Variants in SLC16A10 observed in about 807,000 individuals in gnomAD.
SLC16A10 encodes solute carrier family 16 member 10, also known as monocarboxylate transporter 10.
In SLC16A10, 27 loss-of-function variants were observed where a neutral mutation model predicts 40.0. The ratio of observed to expected loss-of-function variants is 0.67; its 90% CI spans 0.50 to 0.93. The LOEUF (loss-of-function observed/expected upper bound fraction) is 0.93. SLC16A10 is among the 40% of genes least tolerant of loss of function. The pLI is 0.00. For synonymous variants in SLC16A10, 213 were observed against 249.8 expected (o/e 0.85, Z 1.39); for missense variants, 529 against 658.2 (o/e 0.80, Z 2.15).
chr6:111,115,239 A>G (rs76691130), intron 1 of SLC16A10, among the ~76,000 whole-genome samples: 12,367 of 149,496 alleles, frequency 0.083, 1,558 homozygotes, highest in African/African-American at 0.28. Context: ...TTTTTTTTAG[A>G]TGAAGTCTCC....
At chr6:111,131,205 G>C (rs1771775915) in intron 1 of SLC16A10, among the ~76,000 whole-genome samples, 1 of 152,210 alleles carries the variant, frequency 6.6e-6, no homozygotes, top group African/African-American at 2.4e-5. Flanking sequence ...GATCCGGCAG[G>C]GTGTCCACTG....
chr6:111,214,602 A>G (rs1773393140), intron 4 of SLC16A10, among the ~76,000 whole-genome samples: 1 of 152,228 alleles, frequency 6.6e-6, no homozygotes, highest in Non-Finnish European at 1.5e-5. Flanking sequence ...GGGAAAGAGC[A>G]TCACTACAGT....
intron 4 of SLC16A10, among the ~76,000 whole-genome samples, chr6:111,215,861 G>A (rs979894423): frequency 3.3e-5 from 5 of 151,982 alleles, no homozygotes; most frequent in Admixed American, 1.3e-4. Flanking sequence ...AAAATTAGCC[G>A]GGCATAGTGG....
intron 1 of SLC16A10, among the ~76,000 whole-genome samples, chr6:111,115,017 A>C (rs988984939): frequency 1.3e-5 from 2 of 151,930 alleles, no homozygotes; most frequent in Non-Finnish European, 2.9e-5. Flanking sequence ...GCCTGTATGT[A>C]GTGGATTCTA....
intron 3 of SLC16A10, among the ~76,000 whole-genome samples, chr6:111,191,704 T>C (rs535949125): frequency 2.9e-3 from 446 of 152,372 alleles, no homozygotes; most frequent in African/African-American, 1.0e-2. Context: ...ATTTTAATGA[T>C]TGCCATTCTA....
intron 1 of SLC16A10, among the ~76,000 whole-genome samples, chr6:111,151,731 A>G (rs747544522): frequency 2.6e-4 from 39 of 152,214 alleles, no homozygotes; most frequent in Admixed American, 7.2e-4. Context: ...CTACATCCTT[A>G]GAGAATCACT....
At position 111,229,758 on chromosome 6, in the gene SLC16A10, T is replaced by C. The variant is rs1175940307; in HGVS notation, c.*7523T>C. On this transcript the variant is annotated 3_prime_UTR_variant, in exon 6 of 6. Coordinates refer to ENST00000368851, the MANE Select transcript of SLC16A10 (RefSeq NM_018593.5). The stretch of plus-strand genomic sequence containing the variant: ...CAGCAAATCTCAGGTCTATGATTTA[T>C]CAAGGGCTCTCAGCACCATCGTTGG... The C allele has an allele frequency of 6.6e-6, 1 of 152,176 alleles. No homozygotes were observed. Among genetic ancestry groups the C allele is most frequent in the Non-Finnish European group, 1.5e-5 (1 of 68,044 alleles). 9.4% of individuals were successfully genotyped at this position (152,176 alleles called of 1,614,324 possible).
At chr6:111,197,078 C>T (rs1222649431) in intron 3 of SLC16A10, among the ~76,000 whole-genome samples, 2 of 152,188 alleles carry the variant, frequency 1.3e-5, no homozygotes, top group Non-Finnish European at 2.9e-5. Context: ...GCCTACTCAA[C>T]AAATTTTAAT....
At chr6:111,175,563 A>G (rs751200204) in intron 2 of SLC16A10, among the ~76,000 whole-genome samples, 6 of 152,232 alleles carry the variant, frequency 3.9e-5, no homozygotes, top group African/African-American at 7.2e-5. Context: ...GTAAGTTACA[A>G]TTATCTGGAA....
intron 1 of SLC16A10, among the ~76,000 whole-genome samples, chr6:111,163,209 G>C (rs1404112086): frequency 5.0e-5 from 7 of 138,822 alleles, no homozygotes; most frequent in Non-Finnish European, 1.1e-4. Context: ...CTGGAGTGCA[G>C]TGGCGGGATC....
At chr6:111,195,023 A>G (rs1773056838) in intron 3 of SLC16A10, among the ~76,000 whole-genome samples, 1 of 152,022 alleles carries the variant, frequency 6.6e-6, no homozygotes, top group South Asian at 2.1e-4. Context: ...TGTGTACCCA[A>G]AGCAGTGTCA....
intron 3 of SLC16A10, among the ~76,000 whole-genome samples, chr6:111,196,863 G>A (rs354538): frequency 0.82 from 124,324 of 152,176 alleles, 50,977 homozygotes; most frequent in Non-Finnish European, 0.86. Context: ...ACACCATTTT[G>A]TATAGGGGAC....
chr6:111,154,920 G>C (rs1224341308), intron 1 of SLC16A10, among the ~76,000 whole-genome samples: 1 of 151,602 alleles, frequency 6.6e-6, no homozygotes, highest in African/African-American at 2.4e-5. Flanking sequence ...CTACTTGGGA[G>C]GCTGAGGCAG....
rs113521776 is a variant in SLC16A10 at position 111,167,014 on chromosome 6, C to G, written c.344-5681C>G. On this transcript the variant is annotated intron_variant, in intron 1 of 5. Transcript: ENST00000368851. ...TGTCTCAAGACACAGGACATTCTAT[C>G]TGGTGTTCTGATCGAACCACTTTTG... Among the ~76,000 whole-genome samples the G allele has an allele frequency of 2.6e-3, 390 of 152,338 alleles. 2 individuals carry two copies. The highest frequency in any genetic ancestry group is 8.9e-3 in the African/African-American group (369 of 41,570).
chr6:111,192,790 A>G (rs1315559008), intron 3 of SLC16A10, among the ~76,000 whole-genome samples: 1 of 152,266 alleles, frequency 6.6e-6, no homozygotes, highest in East Asian at 1.9e-4. Flanking sequence ...ACTGCCCTTT[A>G]TGAAACCATC....
At chr6:111,160,744 C>G (rs1039128541) in intron 1 of SLC16A10, among the ~76,000 whole-genome samples, 5 of 152,188 alleles carry the variant, frequency 3.3e-5, no homozygotes, top group Admixed American at 2.0e-4. Flanking sequence ...TAAGGGGACA[C>G]GGGGTGCTCC....
At chr6:111,137,029 G>A (rs1451475797) in intron 1 of SLC16A10, among the ~76,000 whole-genome samples, 1 of 152,184 alleles carries the variant, frequency 6.6e-6, no homozygotes, top group African/African-American at 2.4e-5. Context: ...CTAAAGAAGT[G>A]GCAGTCTTAC....
At chr6:111,124,273 G>T (rs777659010) in intron 1 of SLC16A10, among the ~76,000 whole-genome samples, 1 of 151,356 alleles carries the variant, frequency 6.6e-6, no homozygotes, top group African/African-American at 2.4e-5. Context: ...GGGGTTCATT[G>T]GTGGCTAAGA....
At chr6:111,126,718 C>G (rs897041973) in intron 1 of SLC16A10, among the ~76,000 whole-genome samples, 3 of 152,016 alleles carry the variant, frequency 2.0e-5, no homozygotes, top group Non-Finnish European at 4.4e-5. Flanking sequence ...TAATATATTA[C>G]AAATGAAGAA....
Sources: gnomAD v4.1 joint callset for allele counts (sites outside exome capture counted in the v4.1 genomes callset) on GRCh38, gnomAD v4.1.1 for gene constraint, MANE v1.5 for transcripts, NCBI Gene and HGNC (gene_info 2026-07-23, HGNC 2026-07-21) for gene names.